DPP10: variants seen among roughly 807,000 people sequenced by gnomAD.
DPP10 encodes dipeptidyl peptidase like 10.
A neutral mutation model predicts 120.9 loss-of-function variants in DPP10; 33 were observed. The ratio of observed to expected loss-of-function variants is 0.27; its 90% CI spans 0.21 to 0.37. DPP10 has a LOEUF of 0.37. DPP10 is among the 10% of genes least tolerant of loss of function. The probability of loss-of-function intolerance (pLI) is 1.00; values close to 1 mark genes in which losing one functional copy is unlikely to be tolerated. For synonymous variants in DPP10, 337 were observed against 326.1 expected, an observed-to-expected ratio of 1.03 and a Z score of -0.36; for missense variants, 816 against 942.8, an observed-to-expected ratio of 0.87 and a Z score of 1.76.
chr2:115,007,895 G>A (rs1343827630), intron 1 of DPP10, among the ~76,000 whole-genome samples: 2 of 151,976 alleles, frequency 1.3e-5, no homozygotes, highest in Non-Finnish European at 2.9e-5. Flanking sequence ...TCTTCAAGGA[G>A]AACTAGAAAC....
chr2:115,738,462 A>G (rs1676865494), intron 8 of DPP10, among the ~76,000 whole-genome samples: 1 of 152,132 alleles, frequency 6.6e-6, no homozygotes, highest in Non-Finnish European at 1.5e-5. Flanking sequence ...CTATAACTAG[A>G]GATGCTGTGT....
intron 1 of DPP10, among the ~76,000 whole-genome samples, chr2:115,248,367 A>G (rs1284126565): frequency 6.6e-6 from 1 of 152,004 alleles, no homozygotes; most frequent in Non-Finnish European, 1.5e-5. Context: ...CTATAGTTGT[A>G]TACTCTGGCC....
At chr2:114,867,692 A>T (rs1241632323) in intron 1 of DPP10, among the ~76,000 whole-genome samples, 1 of 152,230 alleles carries the variant, frequency 6.6e-6, no homozygotes, top group Non-Finnish European at 1.5e-5. Context: ...TAAAACTGAA[A>T]CCATTTTCAT....
chr2:115,283,258 T>C (rs963843008), intron 1 of DPP10, among the ~76,000 whole-genome samples: 1 of 152,002 alleles, frequency 6.6e-6, no homozygotes, highest in Non-Finnish European at 1.5e-5. Flanking sequence ...ATAAAAATAT[T>C]ACCACCTTAA....
chr2:114,814,196 G>GGA (rs1685428593), intron 1 of DPP10, among the ~76,000 whole-genome samples: 2 of 152,152 alleles, frequency 1.3e-5, no homozygotes, highest in Non-Finnish European at 2.9e-5. Context: ...CCAATTAAAA[G>GGA]TAAGTTTTGG....
intron 21 of DPP10, among the ~76,000 whole-genome samples, chr2:115,821,117 T>C (rs1687775517): frequency 6.6e-6 from 1 of 152,188 alleles, no homozygotes; most frequent in Non-Finnish European, 1.5e-5. Flanking sequence ...TAGTGTTACA[T>C]ATATGTCCAT....
At chr2:114,618,676 A>G (rs1364886234) in intron 1 of DPP10, among the ~76,000 whole-genome samples, 1 of 152,044 alleles carries the variant, frequency 6.6e-6, no homozygotes, top group Non-Finnish European at 1.5e-5. Context: ...AAAGTAACAA[A>G]TCAGTAAGTT....
intron 1 of DPP10, among the ~76,000 whole-genome samples, chr2:114,879,477 A>G (rs1489746388): frequency 6.6e-6 from 1 of 152,188 alleles, no homozygotes; most frequent in East Asian, 1.9e-4. Flanking sequence ...GGACTTGAGA[A>G]TAATGAAAAT....
At chr2:115,238,255 C>A (rs2058096328) in intron 1 of DPP10, among the ~76,000 whole-genome samples, 2 of 152,166 alleles carry the variant, frequency 1.3e-5, no homozygotes, top group Non-Finnish European at 2.9e-5. Flanking sequence ...GAACAACAAA[C>A]CCTGGATGAT....
chr2:115,827,414 G>GTGTATATATA (rs1271865370), intron 21 of DPP10, among the ~76,000 whole-genome samples: 202 of 75,424 alleles, frequency 2.7e-3, no homozygotes, highest in Non-Finnish European at 4.2e-3. Context: ...ATGTGTGTGT[G>GTGTATATATA]TATATATATA....
intron 3 of DPP10, among the ~76,000 whole-genome samples, chr2:115,441,214 A>T (rs1454017763): frequency 2.0e-5 from 3 of 152,214 alleles, no homozygotes; most frequent in Admixed American, 6.5e-5. Context: ...TCACAGGAAA[A>T]AAAGGGGGAA....
chr2:114,828,808 T>C (rs1037217191), intron 1 of DPP10: 2 of 152,386 alleles, frequency 1.3e-5, no homozygotes, highest in East Asian at 3.9e-4. Context: ...GCTATGCAGG[T>C]TGGAGGAGGC....
At chr2:114,646,200 AG>A (rs200088555) in intron 1 of DPP10, among the ~76,000 whole-genome samples, 23 of 151,244 alleles carry the variant, frequency 1.5e-4, no homozygotes, top group African/African-American at 4.6e-4. Context: ...ATAAATAAAA[AG>A]GGGGAGAGGG....
intron 1 of DPP10, among the ~76,000 whole-genome samples, chr2:114,682,569 A>AATTATTATT (rs143088528): frequency 0.017 from 2,467 of 149,142 alleles, 42 homozygotes; most frequent in African/African-American, 0.028. Flanking sequence ...ATCGATGGGT[A>AATTATTATT]ATTATTATTA....
At chr2:114,542,097 G>GAGTGCAGT (rs1449741775) in intron 1 of DPP10, among the ~76,000 whole-genome samples, 1 of 145,734 alleles carries the variant, frequency 6.9e-6, no homozygotes, top group Non-Finnish European at 1.5e-5. Flanking sequence ...TCCAAGGCTG[G>GAGTGCAGT]AGTGCAGTGG....
At chr2:115,518,632 A>G (rs2077630069) in intron 4 of DPP10, among the ~76,000 whole-genome samples, 2 of 152,028 alleles carry the variant, frequency 1.3e-5, no homozygotes, top group African/African-American at 4.8e-5. Context: ...AAATACTTAA[A>G]ATATGCGTGT....
intron 1 of DPP10, among the ~76,000 whole-genome samples, chr2:114,942,513 CA>C (rs2104580411): frequency 6.7e-6 from 1 of 148,760 alleles, no homozygotes; most frequent in African/African-American, 2.5e-5. Flanking sequence ...AGATTGTGGC[CA>C]GGAAGAATAA....
intron 1 of DPP10, among the ~76,000 whole-genome samples, chr2:115,016,680 C>T (rs1473597325): frequency 6.6e-6 from 1 of 151,456 alleles, no homozygotes; most frequent in Non-Finnish European, 1.5e-5. Flanking sequence ...AACCCATCAA[C>T]AAGTGGGCAA....
intron 21 of DPP10, among the ~76,000 whole-genome samples, chr2:115,823,679 T>C (rs1688031577): frequency 6.6e-6 from 1 of 152,196 alleles, no homozygotes; most frequent in Admixed American, 6.5e-5. Context: ...AACTTATATT[T>C]GTGTTTTATT....
Sources: gnomAD v4.1 joint callset for allele counts (sites outside exome capture counted in the v4.1 genomes callset) on GRCh38, gnomAD v4.1.1 for gene constraint, MANE v1.5 for transcripts, NCBI Gene and HGNC (gene_info 2026-07-23, HGNC 2026-07-21) for gene names.